The following ATP6V1B2 variants were observed in gnomAD, a reference collection of about 807,000 sequenced individuals.
The protein encoded by ATP6V1B2 is ATPase H+ transporting V1 subunit B2, also known as V-type proton ATPase subunit B, brain isoform.
A neutral mutation model predicts 66.7 loss-of-function variants in ATP6V1B2; 23 were observed. The ratio of observed to expected loss-of-function variants is 0.34; its 90% CI spans 0.25 to 0.49. ATP6V1B2 has a LOEUF of 0.49. Ranked by LOEUF, ATP6V1B2 falls within the 20% of genes least tolerant of loss-of-function variation. ATP6V1B2 has a pLI of 0.99. For synonymous variants in ATP6V1B2, 278 were observed against 236.7 expected, an observed-to-expected ratio of 1.17 and a Z score of -1.60; for missense variants, 478 against 650.8, an observed-to-expected ratio of 0.73 and a Z score of 2.89.
chr8:20,216,186 C>T (rs901549712), intron 10 of ATP6V1B2: 4 of 352,846 alleles, frequency 1.1e-5, no homozygotes, highest in Non-Finnish European at 2.1e-5. Flanking sequence ...TTTTGTTAGC[C>T]ACGTTTCAAG....
At chr8:20,208,798 C>A (rs1044420991) in intron 2 of ATP6V1B2, among the ~76,000 whole-genome samples, 1 of 150,694 alleles carries the variant, frequency 6.6e-6, no homozygotes, top group Non-Finnish European at 1.5e-5. Flanking sequence ...ACCTCCGTCT[C>A]CCCGGCTCAA....
intron 3 of ATP6V1B2, among the ~76,000 whole-genome samples, chr8:20,209,862 A>G (rs534969957): frequency 1.3e-5 from 2 of 152,012 alleles, no homozygotes; most frequent in Non-Finnish European, 2.9e-5. Flanking sequence ...TACATTTCCT[A>G]GTTTTAAAAT....
chr8:20,211,339 T>C (rs1013089338), intron 6 of ATP6V1B2, 23 bp downstream of exon 6: 2 of 1,600,378 alleles, frequency 1.2e-6, no homozygotes, highest in East Asian at 2.2e-5. Flanking sequence ...ATCGGTTTGC[T>C]ATGAAGTTTA....
At position 20,217,312 on chromosome 8, in the gene ATP6V1B2, A is replaced by G; in HGVS notation, c.1254A>G (p.Val418=). 6.2e-7 allele frequency: 1 copy of G among 1,609,338 alleles called. No individual in the cohort carries two copies. The highest frequency in any genetic ancestry group is 8.5e-7 in the Non-Finnish European group (1 of 1,175,788). Residue 418 remains valine (V), a synonymous_variant, in exon 12 of 14, where the codon GTA becomes GTG. Coordinates refer to ENST00000276390, the MANE Select transcript of ATP6V1B2 (RefSeq NM_001693.4). ...TGACCAGGAAGGATCATGCCGATGT[A>G]TCTAACCAGCTAGTATGTACATTCT... ...EGMTRKDHAD[V]SNQLYACYAI...
Position 20,221,466 on chromosome 8 carries a change from T to C in ATP6V1B2, c.*1064T>C, listed in dbSNP as rs1462807778. 2 of 152,636 alleles carry C rather than the reference T, an allele frequency of 1.3e-5. No individual in the cohort carries two copies. Among genetic ancestry groups the C allele is most frequent in the African/African-American group, 4.8e-5 (2 of 41,438 alleles). 9.5% of individuals were successfully genotyped at this position (152,636 alleles called of 1,614,324 possible). On this transcript the variant is annotated 3_prime_UTR_variant, in exon 14 of 14. Transcript: ENST00000276390. ...CCTTCCTGACGTGAGCCCTGAGCGATCTTCTATGCAGTTCTGCCATGCGTC... is the reference window on the plus strand; with the variant it reads ...CCTTCCTGACGTGAGCCCTGAGCGACCTTCTATGCAGTTCTGCCATGCGTC...
At chr8:20,214,697 GTATT>G in intron 9 of ATP6V1B2, 117 bp from the exon 10 acceptor site, 1 of 1,124,138 alleles carries the variant, frequency 8.9e-7, no homozygotes, top group Non-Finnish European at 1.2e-6. Flanking sequence ...CTTAAGGACA[GTATT>G]TAAAATGAAC....
chr8:20,215,670 T>C (rs1479642646), intron 10 of ATP6V1B2: 1 of 152,196 alleles, frequency 6.6e-6, no homozygotes, highest in Non-Finnish European at 1.5e-5. Flanking sequence ...TTGTTGAGAT[T>C]AGCAAGTGAT....
At chr8:20,206,260 T>C (rs1482224662) in intron 2 of ATP6V1B2, among the ~76,000 whole-genome samples, 1 of 152,180 alleles carries the variant, frequency 6.6e-6, no homozygotes, top group Non-Finnish European at 1.5e-5. Flanking sequence ...GAACACCTAT[T>C]GGATGCCCTG....
chr8:20,212,293 TGGACC>T, intron 8 of ATP6V1B2, 94 bp downstream of exon 8: 4 of 1,177,300 alleles, frequency 3.4e-6, no homozygotes, highest in Non-Finnish European at 5.0e-6. Flanking sequence ...TAACAGCATT[TGGACC>T]TAACAATGAG....
At chr8:20,208,901 A>C (rs972722658) in intron 2 of ATP6V1B2, among the ~76,000 whole-genome samples, 1 of 151,926 alleles carries the variant, frequency 6.6e-6, no homozygotes, top group Non-Finnish European at 1.5e-5. Context: ...TAAAAATAAA[A>C]TTTCACCATG....
chr8:20,219,563 G>A lies in ATP6V1B2; in HGVS notation c.1397-700G>A, dbSNP rs577995697. On this transcript the variant is annotated intron_variant, in intron 13 of 13. Transcript: ENST00000276390. ...ATGCATCAGGCTGTACACTTAGGAT[G>A]TGCACCTTTCCAGTTATATGATACA... Among the ~76,000 whole-genome samples the A allele has an allele frequency of 5.9e-5, 9 of 152,224 alleles. No individual in the cohort carries two copies. The South Asian group carries it at 1.9e-3, about 32-fold the overall frequency.
rs149880251 is a variant in ATP6V1B2, at chr8:20,197,446, G to A, written c.40G>A (p.Ala14Thr). Residue 14 changes from alanine to threonine, a missense_variant, in exon 1 of 14, where the codon GCA (alanine) becomes ACA (threonine). Ala to Thr is a moderately conservative substitution (Grantham distance 58, BLOSUM62 0). Coordinates refer to ENST00000276390, the MANE Select transcript of ATP6V1B2 (RefSeq NM_001693.4). ...RAMRGIVNGAAPELPVPTGGP... is the reference protein window; with the variant it reads ...RAMRGIVNGATPELPVPTGGP... Reference sequence around the variant, plus strand: ...GATGCGGGGGATTGTCAACGGGGCCGCACCCGAGCTACCCGTGCCCACCGG... The same window carrying A: ...GATGCGGGGGATTGTCAACGGGGCCACACCCGAGCTACCCGTGCCCACCGG... 9.1e-6 allele frequency: 14 copies of A among 1,542,430 alleles called. No individual in the cohort carries two copies. The highest frequency in any genetic ancestry group is 2.0e-5 in the Admixed American group (1 of 51,266).
Position 20,200,224 on chromosome 8 carries a change from C to T in ATP6V1B2, c.136+2682C>T, listed in dbSNP as rs376387072. 2.0e-5 allele frequency among the ~76,000 whole-genome samples: 3 copies of T among 151,962 alleles called. No homozygotes were observed. The East Asian group carries it at 5.8e-4, about 29-fold the overall frequency. ...GTAGAGATGGGATTTCCCCATGTTG[C>T]CCAGGCTGGTCTACAACTCCTGAGC... On this transcript the variant is annotated intron_variant, in intron 1 of 13. Transcript: ENST00000276390.
Position 20,216,637 on chromosome 8 carries a change from T to C in ATP6V1B2, c.1161+142T>C, listed in dbSNP as rs535698195. Reference sequence around the variant, plus strand: ...TTTAATATGGTTATAAAATTGTCATTTCTATTATCTTAAATTCTGGTGTCG... The same window carrying C: ...TTTAATATGGTTATAAAATTGTCATCTCTATTATCTTAAATTCTGGTGTCG... On this transcript the variant is annotated intron_variant, in intron 11 of 13. Coordinates refer to ENST00000276390, the MANE Select transcript of ATP6V1B2 (RefSeq NM_001693.4). 20 of 684,362 alleles carry C rather than the reference T, an allele frequency of 2.9e-5. No individual in the cohort carries two copies. In the African/African-American group the frequency reaches 3.3e-4, roughly 11 times the overall value. The allele number at this position is 684,362 out of a possible 1,614,324, so 42.4% of individuals were successfully genotyped here.
At chr8:20,211,017 A>C (rs1354273849) in intron 5 of ATP6V1B2, among the ~76,000 whole-genome samples, 160 bp from the exon 6 acceptor site, 2 of 151,958 alleles carry the variant, frequency 1.3e-5, no homozygotes, top group Non-Finnish European at 2.9e-5. Context: ...TTCAAGTTTC[A>C]TATTTGAAAA....
chr8:20,197,402 A>T lies in ATP6V1B2; in HGVS notation c.-5A>T. ...TGCTGGGCCAGTCGGGACAGAGGAG[A>T]CAAGATGGCGCTGCGGGCGATGCGG... On this transcript the variant is annotated 5_prime_UTR_variant, in exon 1 of 14. Coordinates refer to ENST00000276390, the MANE Select transcript of ATP6V1B2 (RefSeq NM_001693.4). 1 of 1,534,820 alleles carries T rather than the reference A, an allele frequency of 6.5e-7. No homozygotes were observed. The highest frequency in any genetic ancestry group is 8.8e-7 in the Non-Finnish European group (1 of 1,141,990).
intron 12 of ATP6V1B2, 54 bp downstream of exon 12, chr8:20,217,378 T>C (rs1265966934): frequency 3.1e-5 from 45 of 1,447,354 alleles, no homozygotes; most frequent in Non-Finnish European, 3.7e-5. Flanking sequence ...GTTTCTGCTG[T>C]CTTACACCTC....
chr8:20,217,120 A>G, intron 11 of ATP6V1B2, 100 bp from the exon 12 acceptor site: 1 of 1,005,844 alleles, frequency 9.9e-7, no homozygotes. Context: ...GTTGTCTTTG[A>G]TTTAAGTTGT....
intron 1 of ATP6V1B2, among the ~76,000 whole-genome samples, chr8:20,199,268 G>C (rs2072659578): frequency 6.6e-6 from 1 of 152,178 alleles, no homozygotes; most frequent in South Asian, 2.1e-4. Context: ...TCAACTGTTA[G>C]ATGTCAGGGA....
Sources: gnomAD v4.1 joint callset for allele counts (sites outside exome capture counted in the v4.1 genomes callset) on GRCh38, gnomAD v4.1.1 for gene constraint, MANE v1.5 for transcripts, NCBI Gene and HGNC (gene_info 2026-07-23, HGNC 2026-07-21) for gene names.